The following ANXA13 variants were observed in gnomAD, a reference collection of about 807,000 sequenced individuals.
ANXA13 encodes the protein annexin A13.
ANXA13 carries 36 observed loss-of-function variants against 46.6 expected under a neutral mutation model. The ratio of observed to expected loss-of-function variants is 0.77; its 90% CI spans 0.59 to 1.02. The LOEUF (loss-of-function observed/expected upper bound fraction) is 1.02. ANXA13 is among the 50% of genes least tolerant of loss of function. The pLI is 0.00. For missense variants in ANXA13, 417 were observed against 396.5 expected (o/e 1.05, Z -0.44); for synonymous variants, 163 against 152.9 (o/e 1.07, Z -0.49).
rs767161062 is a variant in ANXA13, at chr8:123,712,697, G to C, written c.72C>G (p.Asn24Lys). ...FDVDRDAKKL[N>K]KACKGMGTNE... ...TCATACCCATTCCTTTGCAGGCTTTGTTCAGCTTTTTGGCATCTCGATCCA... is the reference window on the plus strand; with the variant it reads ...TCATACCCATTCCTTTGCAGGCTTTCTTCAGCTTTTTGGCATCTCGATCCA... The change falls in exon 2 of 11, where the codon AAC (asparagine) becomes AAG (lysine). Residue 24 changes from asparagine to lysine, a missense_variant. Coordinates refer to ENST00000419625, the MANE Select transcript of ANXA13 (RefSeq NM_004306.4). 2.5e-6 allele frequency: 4 copies of C among 1,614,132 alleles called. No individual in the cohort carries two copies. The highest frequency in any genetic ancestry group is 1.3e-5 in the African/African-American group (1 of 75,034).
At chr8:123,685,454 C>A (rs1813123006) in intron 9 of ANXA13, among the ~76,000 whole-genome samples, 1 of 152,104 alleles carries the variant, frequency 6.6e-6, no homozygotes, top group African/African-American at 2.4e-5. Flanking sequence ...TCCCCTCTTC[C>A]CAGGCTCATA....
At chr8:123,703,175 A>T (rs752597519) in intron 2 of ANXA13, among the ~76,000 whole-genome samples, 4 of 152,270 alleles carry the variant, frequency 2.6e-5, no homozygotes, top group African/African-American at 4.8e-5. Flanking sequence ...ATTTGGCCAG[A>T]AAAAGGAATA....
intron 1 of ANXA13, among the ~76,000 whole-genome samples, chr8:123,720,419 G>A (rs558612528): frequency 1.1e-3 from 167 of 152,236 alleles, no homozygotes; most frequent in African/African-American, 3.9e-3. Context: ...TGCCACTGTT[G>A]GTTAATGGCA....
chr8:123,723,584 C>A (rs1251893437), intron 1 of ANXA13, among the ~76,000 whole-genome samples: 1 of 152,148 alleles, frequency 6.6e-6, no homozygotes, highest in Admixed American at 6.5e-5. Flanking sequence ...CGAGATCATG[C>A]TGGTAACCTG....
chr8:123,696,316 C>T (rs1398641629), intron 4 of ANXA13, among the ~76,000 whole-genome samples: 3 of 152,154 alleles, frequency 2.0e-5, no homozygotes, highest in East Asian at 1.9e-4. Context: ...CAATAAGCTA[C>T]GGTTTACTTA....
chr8:123,730,441 G>T (rs1287642099), intron 1 of ANXA13, among the ~76,000 whole-genome samples: 3 of 152,060 alleles, frequency 2.0e-5, no homozygotes, highest in Non-Finnish European at 2.9e-5. Flanking sequence ...AGCCTTCCAA[G>T]GAACTCTAAT....
rs1813271154 is a variant in ANXA13 at position 123,693,201 on chromosome 8, T to G, written c.638A>C (p.Gln213Pro). Reference sequence around the variant, plus strand: ...CCCCAATACTTTATGACTTACAATTTGATAGGCTTGAAAGGTGGCTCGTAA... The same window carrying G: ...CCCCAATACTTTATGACTTACAATTGGATAGGCTTGAAAGGTGGCTCGTAA... ...KQLRATFQAY[Q>P]ILIGKDIEEA... The change falls in exon 8 of 11, where the codon CAA (glutamine) becomes CCA (proline). Residue 213 changes from glutamine to proline, a missense_variant. Gln to Pro is a moderately conservative substitution (Grantham distance 76, BLOSUM62 -1). Coordinates refer to ENST00000419625, the MANE Select transcript of ANXA13 (RefSeq NM_004306.4). 6.2e-7 allele frequency: 1 copy of G among 1,613,992 alleles called. No individual in the cohort carries two copies. The highest frequency in any genetic ancestry group is 8.5e-7 in the Non-Finnish European group (1 of 1,179,874).
In ANXA13 at chr8:123,712,704, T is replaced by C; in HGVS notation, c.65A>G (p.Lys22Arg). The C allele has an allele frequency of 6.2e-7, 1 of 1,614,136 alleles. No individual in the cohort carries two copies. The highest frequency in any genetic ancestry group is 8.5e-7 in the Non-Finnish European group (1 of 1,179,966). ...CATTCCTTTGCAGGCTTTGTTCAGC[T>C]TTTTGGCATCTCGATCCACATCAAA... ...QGFDVDRDAK[K>R]LNKACKGMGT... Residue 22 changes from lysine to arginine, a missense_variant, in exon 2 of 11, where the codon AAG (lysine) becomes AGG (arginine). By Grantham distance (26) the Lys-to-Arg change is conservative. Transcript: ENST00000419625.
rs527695369 is a variant in ANXA13 at position 123,712,457 on chromosome 8, A to G, written c.91+221T>C. 5.8e-4 allele frequency: 332 copies of G among 573,592 alleles called. 2 individuals are homozygous for G. The highest frequency in any genetic ancestry group is 5.2e-3 in the African/African-American group (279 of 53,420). 35.5% of individuals were successfully genotyped at this position (573,592 alleles called of 1,614,324 possible). ...CCTCAAGTTCAAATTAAACGTCACA[A>G]TATCCAACTCCTAGCTGTTATATAG... On this transcript the variant is annotated intron_variant, in intron 2 of 10. Transcript: ENST00000419625.
chr8:123,718,093 A>G (rs1362355744), intron 1 of ANXA13, among the ~76,000 whole-genome samples: 2 of 152,224 alleles, frequency 1.3e-5, no homozygotes, highest in African/African-American at 4.8e-5. Flanking sequence ...CTCACTTAGA[A>G]ACTAACTATG....
chr8:123,711,334 G>A (rs1030039776), intron 2 of ANXA13, among the ~76,000 whole-genome samples: 6 of 152,148 alleles, frequency 3.9e-5, no homozygotes, highest in Non-Finnish European at 8.8e-5. Context: ...CTGTTCAAGG[G>A]AAATCCTTCC....
chr8:123,712,299 T>G, intron 2 of ANXA13: 1 of 231,360 alleles, frequency 4.3e-6, no homozygotes. Flanking sequence ...TCCTCAGCCA[T>G]GTGGAACTGT....
chr8:123,698,754 G>T (rs1167369068), intron 3 of ANXA13, among the ~76,000 whole-genome samples, 195 bp from the exon 4 acceptor site: 1 of 152,174 alleles, frequency 6.6e-6, no homozygotes, highest in African/African-American at 2.4e-5. Flanking sequence ...TGGCAGAGAG[G>T]CAGAGAGGAG....
rs1256396771 is a variant in ANXA13, at chr8:123,693,359, G to T, written c.541-61C>A. On this transcript the variant is annotated intron_variant, in intron 7 of 10. Transcript: ENST00000419625. ...TTTGTGAAAAGACTGATTATGCAGT[G>T]CTGTGACTAGGCCTCACTGACAGGA... is the stretch of plus-strand genomic sequence containing the variant. 3.5e-6 allele frequency: 5 copies of T among 1,431,286 alleles called. No homozygotes were observed. The Admixed American group carries it at 5.3e-5, about 15-fold the overall frequency. The allele number at this position is 1,431,286 out of a possible 1,614,324, so 88.7% of individuals were successfully genotyped here.
At chr8:123,713,499 G>C (rs138212204) in intron 1 of ANXA13, among the ~76,000 whole-genome samples, 13 of 152,008 alleles carry the variant, frequency 8.6e-5, no homozygotes, top group Admixed American at 7.2e-4. Context: ...GGAAATTTTT[G>C]TGAGCACAAA....
chr8:123,681,624 T>C lies in ANXA13; in HGVS notation c.832-265A>G, dbSNP rs1008345382. On this transcript the variant is annotated intron_variant, in intron 10 of 10. Coordinates refer to ENST00000419625, the MANE Select transcript of ANXA13 (RefSeq NM_004306.4). ...CCACTAAAACTCTTGAATTTCTTTT[T>C]TTTTTTTTTTTTTTTTGAGACAGAG... Among the ~76,000 whole-genome samples, 82 of 148,944 alleles carry C rather than the reference T, an allele frequency of 5.5e-4. 1 individual carries two copies. The highest frequency in any genetic ancestry group is 1.6e-3 in the Admixed American group (24 of 15,006).
chr8:123,729,292 G>C (rs1271441781), intron 1 of ANXA13: 1 of 152,022 alleles, frequency 6.6e-6, no homozygotes, highest in Admixed American at 6.6e-5. Context: ...CTTCCCATAC[G>C]AGGAAAACAA....
chr8:123,685,082 C>T (rs566002421), intron 9 of ANXA13, among the ~76,000 whole-genome samples: 2 of 152,300 alleles, frequency 1.3e-5, no homozygotes, highest in African/African-American at 4.8e-5. Context: ...AACAGATTGG[C>T]CAGCAACCTT....
At chr8:123,718,729 A>AT (rs1044424666) in intron 1 of ANXA13, among the ~76,000 whole-genome samples, 1 of 152,134 alleles carries the variant, frequency 6.6e-6, no homozygotes, top group Non-Finnish European at 1.5e-5. Context: ...TGAATGATCC[A>AT]TTTTTCTCAA....
Sources: allele counts gnomAD v4.1 joint callset (sites outside exome capture counted in the v4.1 genomes callset), GRCh38; gene constraint gnomAD v4.1.1; transcripts MANE v1.5; gene names NCBI Gene and HGNC (gene_info 2026-07-23, HGNC 2026-07-21).